RABGAP1L: variants seen among roughly 807,000 people sequenced by gnomAD.
RABGAP1L encodes the protein RAB GTPase activating protein 1 like.
In RABGAP1L, 63 loss-of-function variants were observed where a neutral mutation model predicts 137.7. The ratio of observed to expected loss-of-function variants is 0.46; its 90% CI spans 0.37 to 0.56. RABGAP1L has a LOEUF of 0.56. Ranked by LOEUF, RABGAP1L falls within the 20% of genes least tolerant of loss-of-function variation. The pLI is 0.00. For missense variants in RABGAP1L, 1,095 were observed against 1,244.0 expected (o/e 0.88, Z 1.80); for synonymous variants, 431 against 433.7 (o/e 0.99, Z 0.08).
At chr1:174,822,606 G>A (rs1691150039) in intron 19 of RABGAP1L, among the ~76,000 whole-genome samples, 1 of 152,156 alleles carries the variant, frequency 6.6e-6, no homozygotes, top group Non-Finnish European at 1.5e-5. Context: ...GAGGGGGAGG[G>A]CATTAGATTC....
chr1:174,315,670 A>G (rs1439794573), intron 11 of RABGAP1L, among the ~76,000 whole-genome samples: 2 of 138,000 alleles, frequency 1.4e-5, no homozygotes, highest in Non-Finnish European at 3.1e-5. Context: ...CCCATGCTGT[A>G]GGATCTTTTC....
At chr1:174,525,593 C>CA (rs1374768097) in intron 13 of RABGAP1L, among the ~76,000 whole-genome samples, 1 of 152,070 alleles carries the variant, frequency 6.6e-6, no homozygotes, top group African/African-American at 2.4e-5. Flanking sequence ...CAGAGAGGGA[C>CA]AATTTGACTT....
chr1:174,834,426 G>A (rs1360551258), intron 19 of RABGAP1L, among the ~76,000 whole-genome samples: 16 of 129,632 alleles, frequency 1.2e-4, no homozygotes, highest in Admixed American at 1.6e-4. Context: ...AACTCCGTCT[G>A]AAAAAAAAAA....
intron 24 of RABGAP1L, among the ~76,000 whole-genome samples, chr1:174,987,879 G>A (rs1671735535): frequency 6.6e-6 from 1 of 151,976 alleles, no homozygotes; most frequent in African/African-American, 2.4e-5. Flanking sequence ...GCGCGATCTC[G>A]GCTCACTGCA....
intron 13 of RABGAP1L, among the ~76,000 whole-genome samples, chr1:174,439,502 G>T (rs1001333747): frequency 1.3e-5 from 2 of 151,782 alleles, no homozygotes; most frequent in African/African-American, 4.9e-5. Flanking sequence ...GCATTTTTTA[G>T]ATGATAAGTA....
At chr1:174,231,013 T>C (rs778054710) in intron 3 of RABGAP1L, 132 bp from the exon 4 acceptor site, 6 of 630,280 alleles carry the variant, frequency 9.5e-6, no homozygotes, top group Non-Finnish European at 1.6e-5. Context: ...TTTTAAAATA[T>C]AAAAGGAGTG....
At chr1:174,220,380 A>C (rs749735114) in intron 2 of RABGAP1L, among the ~76,000 whole-genome samples, 4 of 152,112 alleles carry the variant, frequency 2.6e-5, no homozygotes, top group Non-Finnish European at 5.9e-5. Flanking sequence ...AAAAAGAAAA[A>C]GAAGGGCCAG....
intron 19 of RABGAP1L, among the ~76,000 whole-genome samples, chr1:174,816,147 C>CTTTTT (rs67065448): frequency 0.019 from 1,603 of 86,132 alleles, 87 homozygotes; most frequent in Middle Eastern, 0.06. Context: ...TAATACATAG[C>CTTTTT]TTTTTTTTTT....
chr1:174,185,713 C>G (rs1488265580), intron 1 of RABGAP1L, among the ~76,000 whole-genome samples: 1 of 152,140 alleles, frequency 6.6e-6, no homozygotes, highest in Admixed American at 6.5e-5. Context: ...TGTTTAGATT[C>G]CCTCCTTCCT....
chr1:174,472,047 T>C (rs1658002714), intron 13 of RABGAP1L, among the ~76,000 whole-genome samples: 1 of 152,152 alleles, frequency 6.6e-6, no homozygotes, highest in Non-Finnish European at 1.5e-5. Flanking sequence ...AAAGTGGCCG[T>C]CTGCAAGCCA....
At chr1:174,426,071 C>G (rs963746422) in intron 13 of RABGAP1L, among the ~76,000 whole-genome samples, 4 of 152,020 alleles carry the variant, frequency 2.6e-5, no homozygotes, top group African/African-American at 9.7e-5. Flanking sequence ...TCATAAAGTT[C>G]TGTAGGAAAT....
intron 1 of RABGAP1L, among the ~76,000 whole-genome samples, chr1:174,186,517 C>T (rs1666817560): frequency 6.6e-6 from 1 of 152,162 alleles, no homozygotes; most frequent in Non-Finnish European, 1.5e-5. Context: ...TGCTATCTGT[C>T]TACTATATAG....
chr1:174,543,703 C>A (rs1572250945), intron 13 of RABGAP1L, among the ~76,000 whole-genome samples: 1 of 152,020 alleles, frequency 6.6e-6, no homozygotes, highest in Non-Finnish European at 1.5e-5. Flanking sequence ...TGGTCTTTAC[C>A]ATTTGGCATG....
At chr1:174,364,243 CTTTTTTTTTTTT>C (rs1054313083) in intron 11 of RABGAP1L, among the ~76,000 whole-genome samples, 92 of 81,178 alleles carry the variant, frequency 1.1e-3, no homozygotes, top group South Asian at 2.4e-3. Context: ...TTTGGATTTC[CTTTTTTTTTTTT>C]TTTTTTTTTT....
intron 13 of RABGAP1L, among the ~76,000 whole-genome samples, chr1:174,535,716 T>G (rs1664836846): frequency 6.6e-6 from 1 of 152,202 alleles, no homozygotes; most frequent in Admixed American, 6.5e-5. Context: ...TCCTAAAAGA[T>G]TAATAATTCC....
intron 14 of RABGAP1L, among the ~76,000 whole-genome samples, chr1:174,679,548 T>C (rs973146789): frequency 4.6e-5 from 7 of 152,238 alleles, no homozygotes; most frequent in Admixed American, 2.6e-4. Context: ...TGAGCACTTA[T>C]ATTCACCATT....
At chr1:174,234,641 C>A (rs1246598916) in intron 4 of RABGAP1L, among the ~76,000 whole-genome samples, 1 of 151,626 alleles carries the variant, frequency 6.6e-6, no homozygotes, top group Admixed American at 6.6e-5. Flanking sequence ...TGTTTTGGTA[C>A]CAGTGCCATG....
chr1:174,986,695 G>A (rs1280798932), intron 24 of RABGAP1L, among the ~76,000 whole-genome samples: 1 of 152,182 alleles, frequency 6.6e-6, no homozygotes, highest in Non-Finnish European at 1.5e-5. Flanking sequence ...CCTGGCCACA[G>A]GGATCTCTCA....
chr1:174,587,193 A>G (rs941234646), intron 13 of RABGAP1L, among the ~76,000 whole-genome samples: 39 of 147,952 alleles, frequency 2.6e-4, no homozygotes, highest in African/African-American at 9.0e-4. Flanking sequence ...ATTGTGAATA[A>G]TGCCGCAATA....
Sources: allele counts gnomAD v4.1 joint callset (sites outside exome capture counted in the v4.1 genomes callset), GRCh38; gene constraint gnomAD v4.1.1; transcripts MANE v1.5; gene names NCBI Gene and HGNC (gene_info 2026-07-23, HGNC 2026-07-21).